LGR4: variants seen among roughly 807,000 people sequenced by gnomAD.
LGR4 encodes the protein leucine rich repeat containing G protein-coupled receptor 4.
Under a neutral mutation model 84.8 loss-of-function variants are expected in LGR4, and 44 were observed. That is an observed-to-expected ratio of 0.52 (90% CI 0.41 to 0.67). The LOEUF is 0.67. Among genes scored for constraint, LGR4 ranks in the 30% least tolerant of loss-of-function variants. The pLI is 0.00. For synonymous variants in LGR4, 429 were observed against 434.3 expected (o/e 0.99, Z 0.15); for missense variants, 1,032 against 1,131.4 (o/e 0.91, Z 1.26).
chr11:27,394,018 G>A (rs1863340304), intron 2 of LGR4, among the ~76,000 whole-genome samples: 1 of 140,398 alleles, frequency 7.1e-6, no homozygotes, highest in African/African-American at 2.6e-5. Flanking sequence ...TAAGTATGAA[G>A]AATTATTTCT....
chr11:27,460,805 T>C (rs4617543), intron 1 of LGR4, among the ~76,000 whole-genome samples: 130,363 of 152,070 alleles, frequency 0.86, 56,635 homozygotes, highest in Non-Finnish European at 0.95. Context: ...AGCAAGGCCA[T>C]GGTAGTCTCC....
Position 27,368,817 on chromosome 11 carries a change from A to C in LGR4, c.1906T>G (p.Leu636Val). Residue 636 changes from leucine (L) to valine (V), a missense_variant, in exon 18 of 18, where the codon TTA becomes GTA. Physicochemically the swap from Leu to Val is conservative, Grantham distance 32 (BLOSUM62 1). Transcript: ENST00000379214. ...CTTCTTTCGACAGTTGCTAGCATTA[A>C]TAAAAATATGGCACTTTCTGAGGAG... ...VFSSESAIFL[L>V]MLATVERSLS... 1 of 1,614,184 alleles carries C rather than the reference A, an allele frequency of 6.2e-7. No homozygotes were observed. The highest frequency in any genetic ancestry group is 1.1e-5 in the South Asian group (1 of 91,082).
At position 27,441,590 on chromosome 11, in the gene LGR4, C is replaced by A. The variant is rs1310691239; in HGVS notation, c.186-28730G>T. On this transcript the variant is annotated intron_variant, in intron 1 of 17. Transcript: ENST00000379214. ...GAGAGAAAGTAAAAAGTTCAAGGGA[C>A]ATGAGGGCTTAATGAGGCTGAAAAA... is the stretch of plus-strand genomic sequence containing the variant. Among the ~76,000 whole-genome samples the A allele has an allele frequency of 1.7e-4, 26 of 152,220 alleles. 1 individual carries two copies. The highest frequency in any genetic ancestry group is 2.9e-5 in the Non-Finnish European group (2 of 68,016).
chr11:27,465,475 A>C (rs1479634568), intron 1 of LGR4, among the ~76,000 whole-genome samples: 1 of 152,246 alleles, frequency 6.6e-6, no homozygotes, highest in Non-Finnish European at 1.5e-5. Flanking sequence ...TGGACACGAC[A>C]CAGAATATTT....
chr11:27,402,875 T>C (rs1194445780), intron 2 of LGR4, among the ~76,000 whole-genome samples: 1 of 152,132 alleles, frequency 6.6e-6, no homozygotes, highest in Non-Finnish European at 1.5e-5. Flanking sequence ...CATCTAGTGA[T>C]CTTGACGTAG....
At chr11:27,433,653 A>T (rs1364907638) in intron 1 of LGR4, among the ~76,000 whole-genome samples, 1 of 152,164 alleles carries the variant, frequency 6.6e-6, no homozygotes, top group Non-Finnish European at 1.5e-5. Context: ...GGAATTTTTT[A>T]AATGAACTAA....
intron 2 of LGR4, among the ~76,000 whole-genome samples, chr11:27,399,578 G>A (rs997793824): frequency 6.6e-6 from 1 of 151,280 alleles, no homozygotes; most frequent in Non-Finnish European, 1.5e-5. Context: ...GGAGTGCAGT[G>A]GCGTGATCTC....
At chr11:27,385,859 T>C (rs1171321632) in intron 4 of LGR4, among the ~76,000 whole-genome samples, 1 of 151,588 alleles carries the variant, frequency 6.6e-6, no homozygotes, top group Non-Finnish European at 1.5e-5. Context: ...GCTACTTTGC[T>C]TCCAATGTTA....
chr11:27,419,341 A>G (rs1459755873), intron 1 of LGR4, among the ~76,000 whole-genome samples: 1 of 151,908 alleles, frequency 6.6e-6, no homozygotes, highest in Non-Finnish European at 1.5e-5. Context: ...AAGGAAATGC[A>G]AATCAGACCA....
intron 1 of LGR4, among the ~76,000 whole-genome samples, chr11:27,441,241 A>C (rs1864300051): frequency 6.6e-6 from 1 of 151,788 alleles, no homozygotes; most frequent in Admixed American, 6.5e-5. Context: ...TGTGAACAAG[A>C]TCACACAGTG....
intron 4 of LGR4, among the ~76,000 whole-genome samples, chr11:27,388,748 G>A (rs1468711923): frequency 6.6e-6 from 1 of 152,008 alleles, no homozygotes; most frequent in African/African-American, 2.4e-5. Context: ...CTTTCTCTCT[G>A]TTCTAACTTA....
intron 1 of LGR4, among the ~76,000 whole-genome samples, chr11:27,442,589 G>A (rs1037177015): frequency 1.9e-4 from 29 of 152,120 alleles, no homozygotes; most frequent in African/African-American, 5.8e-4. Flanking sequence ...CAACAACAAC[G>A]ACAACAAAAA....
chr11:27,409,153 C>A (rs1468950511), intron 2 of LGR4, among the ~76,000 whole-genome samples: 5 of 152,102 alleles, frequency 3.3e-5, no homozygotes, highest in Non-Finnish European at 7.4e-5. Context: ...GTACATTTCA[C>A]TGAAAAAGTT....
intron 1 of LGR4, among the ~76,000 whole-genome samples, chr11:27,456,085 A>C (rs531674680): frequency 1.3e-4 from 20 of 152,218 alleles, no homozygotes; most frequent in Non-Finnish European, 2.5e-4. Flanking sequence ...ACATAAGTGA[A>C]ATGAGAAAGC....
chr11:27,377,166 C>T lies in LGR4; in HGVS notation c.1101G>A (p.Leu367=), dbSNP rs145212896. The change falls in exon 12 of 18, where the codon CTG becomes CTA. Residue 367 remains leucine, a synonymous_variant. Transcript: ENST00000379214. ...GTCAAAGACCAACTCACATTTCTTC[C>T]AGAGCATGGCAACCATTAAAACTTG... ...DLPSFNGCHA[L]EEISLQRNQI... The T allele has an allele frequency of 3.0e-5, 48 of 1,583,256 alleles. No individual in the cohort carries two copies. Among genetic ancestry groups the T allele is most frequent in the Non-Finnish European group, 4.0e-5 (46 of 1,156,716 alleles).
intron 2 of LGR4, among the ~76,000 whole-genome samples, chr11:27,395,800 A>T (rs1644207848): frequency 6.6e-6 from 1 of 152,186 alleles, no homozygotes; most frequent in Admixed American, 6.6e-5. Flanking sequence ...AGCGTGGTAA[A>T]AGCTCTGCAG....
At chr11:27,384,489 G>A in intron 5 of LGR4, 82 bp from the exon 6 acceptor site, 1 of 967,996 alleles carries the variant, frequency 1.0e-6, no homozygotes, top group South Asian at 1.3e-5. Context: ...CTGAGTTGGT[G>A]TGTAAAGGAA....
intron 1 of LGR4, among the ~76,000 whole-genome samples, chr11:27,452,692 C>T (rs552154848): frequency 5.6e-5 from 8 of 143,310 alleles, no homozygotes; most frequent in Admixed American, 4.3e-4. Context: ...GGCGCGATCT[C>T]GGCTCACTGC....
chr11:27,380,934 G>C lies in LGR4; in HGVS notation c.791C>G (p.Pro264Arg), dbSNP rs1438593725. The C allele has an allele frequency of 2.6e-6, 4 of 1,555,456 alleles. No individual in the cohort carries two copies. Residue 264 changes from proline (P) to arginine (R), a missense_variant, in exon 8 of 18, where the codon CCT (proline) becomes CGT (arginine). Coordinates refer to ENST00000379214, the MANE Select transcript of LGR4 (RefSeq NM_018490.5). ...TGGATTACCATCAAATGCTCCATCA[G>C]GGATAACAGAAATAGAATTACTATG... ...GFHSNSISVI[P>R]DGAFDGNPLL...
Sources: gnomAD v4.1 joint callset for allele counts (sites outside exome capture counted in the v4.1 genomes callset) on GRCh38, gnomAD v4.1.1 for gene constraint, MANE v1.5 for transcripts, NCBI Gene and HGNC (gene_info 2026-07-23, HGNC 2026-07-21) for gene names.